The following SRD5A3 variants were observed in gnomAD, a reference collection of about 807,000 sequenced individuals.
SRD5A3 encodes polyprenal reductase.
Under a neutral mutation model 34.3 loss-of-function variants are expected in SRD5A3, and 24 were observed. That is an observed-to-expected ratio of 0.70 (90% CI 0.51 to 0.99). The LOEUF (loss-of-function observed/expected upper bound fraction) is 0.99. Ranked by LOEUF, SRD5A3 falls within the 50% of genes least tolerant of loss-of-function variation. SRD5A3 has a pLI of 0.00. For missense variants in SRD5A3, 350 were observed against 388.2 expected, an observed-to-expected ratio of 0.90 and a Z score of 0.83; for synonymous variants, 161 against 167.3, an observed-to-expected ratio of 0.96 and a Z score of 0.29.
intron 1 of SRD5A3, among the ~76,000 whole-genome samples, chr4:55,353,422 C>T (rs921529175): frequency 2.0e-5 from 3 of 152,092 alleles, no homozygotes; most frequent in African/African-American, 7.2e-5. Context: ...AATCAGCACT[C>T]TGTAAAATGG....
chr4:55,359,024 C>T (rs570762501), intron 1 of SRD5A3: 12 of 367,536 alleles, frequency 3.3e-5, no homozygotes, highest in Non-Finnish European at 5.7e-5. Flanking sequence ...CTGCAGCCTC[C>T]GTTTTGGGAA....
Position 55,366,388 on chromosome 4 carries a change from G to A in SRD5A3, c.563-1200G>A, listed in dbSNP as rs575655325. Among the ~76,000 whole-genome samples, 13 of 152,274 alleles carry A rather than the reference G, an allele frequency of 8.5e-5. No homozygotes were observed. The East Asian group carries it at 1.4e-3, about 16-fold the overall frequency. The stretch of plus-strand genomic sequence containing the variant: ...GAGACAGGTTCTCGCTATGTTGGCA[G>A]GCTGGTCTCAAACCCCTGGCCTCAA... On this transcript the variant is annotated intron_variant, in intron 3 of 4. Coordinates refer to ENST00000264228, the MANE Select transcript of SRD5A3 (RefSeq NM_024592.5).
chr4:55,359,273 A>G lies in SRD5A3; in HGVS notation c.222-73A>G. ...GGGGTGGGGAAAGACAGAGAAACTAAAAATAATCTTCCCGTATAAGAGCTT... is the reference window on the plus strand; with the variant it reads ...GGGGTGGGGAAAGACAGAGAAACTAGAAATAATCTTCCCGTATAAGAGCTT... On this transcript the variant is annotated intron_variant, in intron 1 of 4. Transcript: ENST00000264228. The G allele has an allele frequency of 3.8e-6, 6 of 1,598,722 alleles. No individual in the cohort carries two copies. In the Middle Eastern group the frequency reaches 6.4e-4, roughly 169 times the overall value.
intron 3 of SRD5A3, chr4:55,367,110 C>T (rs1393461655): frequency 4.9e-6 from 1 of 205,150 alleles, no homozygotes; most frequent in Non-Finnish European, 9.9e-6. Flanking sequence ...TTCAGGCTCT[C>T]CCTAGCAGGA....
chr4:55,352,274 T>G, intron 1 of SRD5A3: 1 of 830,780 alleles, frequency 1.2e-6, no homozygotes, highest in Non-Finnish European at 2.1e-6. Context: ...GAATTTCTCT[T>G]TCCTTTAACA....
intron 1 of SRD5A3, among the ~76,000 whole-genome samples, chr4:55,351,536 T>A (rs1719193373): frequency 6.6e-6 from 1 of 151,140 alleles, no homozygotes; most frequent in South Asian, 2.1e-4. Context: ...AAAAAAAAAA[T>A]TAGCTGGCCA....
At position 55,351,961 on chromosome 4, in the gene SRD5A3, T is replaced by A. The variant is rs1719212229; in HGVS notation, c.221+5404T>A. The A allele has an allele frequency of 4.0e-6, 3 of 745,362 alleles. No individual in the cohort carries two copies. The South Asian group carries it at 4.1e-5, about 10-fold the overall frequency. The allele number at this position is 745,362 out of a possible 1,614,324, so 46.2% of individuals were successfully genotyped here. Reference sequence around the variant, plus strand: ...GCCACAATATAAAACTTATGCTGAATTACTCTCTGTACTAAGAGTCATCTG... The same window carrying A: ...GCCACAATATAAAACTTATGCTGAAATACTCTCTGTACTAAGAGTCATCTG... On this transcript the variant is annotated intron_variant, in intron 1 of 4. Transcript: ENST00000264228.
In SRD5A3 at chr4:55,356,118, C is replaced by G. The variant is rs560929106; in HGVS notation, c.222-3228C>G. ...CTGCCTCCTGGGTTTAAGCTATTCT[C>G]CTATCTCAGCCTCCCAAGTAGCTAG... On this transcript the variant is annotated intron_variant, in intron 1 of 4. Coordinates refer to ENST00000264228, the MANE Select transcript of SRD5A3 (RefSeq NM_024592.5). Among the ~76,000 whole-genome samples the G allele has an allele frequency of 2.1e-5, 3 of 142,900 alleles. No individual in the cohort carries two copies. In the East Asian group the frequency reaches 6.7e-4, roughly 32 times the overall value. 93.7% of individuals were successfully genotyped at this position (142,900 alleles called of 152,430 possible).
At chr4:55,359,241 G>T in intron 1 of SRD5A3, 105 bp from the exon 2 acceptor site, 1 of 1,461,626 alleles carries the variant, frequency 6.8e-7, no homozygotes. Context: ...TATACTTTGG[G>T]AATGGAGGGG....
chr4:55,357,238 G>A (rs1200392930), intron 1 of SRD5A3, among the ~76,000 whole-genome samples: 1 of 152,240 alleles, frequency 6.6e-6, no homozygotes, highest in Non-Finnish European at 1.5e-5. Context: ...CTCCCATTAA[G>A]GCGGAGACCT....
intron 3 of SRD5A3, chr4:55,364,986 GT>G (rs1719831644): frequency 6.5e-6 from 1 of 152,750 alleles, no homozygotes; most frequent in Admixed American, 6.5e-5. Context: ...TGGATTTTTT[GT>G]TTTATGGGGG....
Position 55,353,999 on chromosome 4 carries a change from A to T in SRD5A3, c.222-5347A>T, listed in dbSNP as rs115008195. Among the ~76,000 whole-genome samples, 365 of 152,354 alleles carry T rather than the reference A, an allele frequency of 2.4e-3. 2 individuals carry two copies. The highest frequency in any genetic ancestry group is 8.3e-3 in the African/African-American group (347 of 41,584). On this transcript the variant is annotated intron_variant, in intron 1 of 4. Coordinates refer to ENST00000264228, the MANE Select transcript of SRD5A3 (RefSeq NM_024592.5). ...GTGGTGACATTAAAGCATTTAGCAC[A>T]GGGCCAGGGATCTAGCCAGAACTCA...
chr4:55,354,105 T>C (rs1174690136), intron 1 of SRD5A3, among the ~76,000 whole-genome samples: 1 of 152,138 alleles, frequency 6.6e-6, no homozygotes, highest in East Asian at 1.9e-4. Flanking sequence ...AGTTTTTGTT[T>C]GTTTGTTTTG....
chr4:55,367,297 ATG>A, intron 3 of SRD5A3: 1 of 492,870 alleles, frequency 2.0e-6, no homozygotes, highest in Non-Finnish European at 3.7e-6. Flanking sequence ...AAGCAAGAGA[ATG>A]TGTCTGTGTG....
At chr4:55,358,766 A>T (rs1055038466) in intron 1 of SRD5A3, among the ~76,000 whole-genome samples, 1 of 152,166 alleles carries the variant, frequency 6.6e-6, no homozygotes, top group African/African-American at 2.4e-5. Flanking sequence ...ATAAGGAGTT[A>T]ATACCTAGTT....
Position 55,367,610 on chromosome 4 carries a change from A to G in SRD5A3, c.585A>G (p.Leu195=), listed in dbSNP as rs369016962. The G allele has an allele frequency of 1.2e-6, 2 of 1,614,156 alleles. No homozygotes were observed. The highest frequency in any genetic ancestry group is 1.3e-5 in the African/African-American group (1 of 75,056). The change falls in exon 4 of 5, where the codon CTA becomes CTG. Residue 195 remains leucine, a synonymous_variant. Coordinates refer to ENST00000264228, the MANE Select transcript of SRD5A3 (RefSeq NM_024592.5). The stretch of plus-strand genomic sequence containing the variant: ...TAGCCTACATAACAGGGAAAAATCT[A>G]TTGATGCAAGCACGGTGGTTCCATA... ...GRNAYITGKN[L]LMQARWFHIL... is the part of the protein sequence containing the mutation.
At chr4:55,357,203 G>A (rs1206941254) in intron 1 of SRD5A3, among the ~76,000 whole-genome samples, 2 of 152,080 alleles carry the variant, frequency 1.3e-5, no homozygotes, top group South Asian at 2.1e-4. Flanking sequence ...GTTGTTGACC[G>A]TCTGACTCCC....
At chr4:55,353,542 C>G (rs943992568) in intron 1 of SRD5A3, among the ~76,000 whole-genome samples, 1 of 152,214 alleles carries the variant, frequency 6.6e-6, no homozygotes, top group African/African-American at 2.4e-5. Flanking sequence ...TGGGGGTCCC[C>G]TTCTACCCTG....
rs1719010317 is a variant in SRD5A3, at chr4:55,346,657, C to CGGCCTGGGAG, written c.221+102_221+111dup. ...AGCAGGGGGCAGCAGAGGCGGGACC[C>CGGCCTGGGAG]GGCCTGGGAGGCCCTGGCGGGTTCC... On this transcript the variant is annotated intron_variant, in intron 1 of 4. Transcript: ENST00000264228. 2.5e-6 allele frequency: 3 copies of CGGCCTGGGAG among 1,186,848 alleles called. No individual in the cohort carries two copies. In the African/African-American group the frequency reaches 4.9e-5, roughly 19 times the overall value. 73.5% of individuals were successfully genotyped at this position (1,186,848 alleles called of 1,614,324 possible). A position where few individuals can be genotyped will look rare whatever the true frequency, so the allele number is the denominator to read the frequency against.
Sources: allele counts gnomAD v4.1 joint callset (sites outside exome capture counted in the v4.1 genomes callset), GRCh38; gene constraint gnomAD v4.1.1; transcripts MANE v1.5; gene names NCBI Gene and HGNC (gene_info 2026-07-23, HGNC 2026-07-21).